Variants in COL19A1 observed in about 807,000 individuals in gnomAD.
COL19A1 encodes the protein collagen type XIX alpha 1 chain.
COL19A1 carries 159 observed loss-of-function variants against 190.2 expected under a neutral mutation model. The observed-to-expected ratio is 0.84, with a 90% CI of 0.73 to 0.95. COL19A1 has a LOEUF of 0.95. Ranked by LOEUF, COL19A1 falls within the 40% of genes least tolerant of loss-of-function variation. The probability of loss-of-function intolerance (pLI) is 0.00; values close to 1 mark genes in which losing one functional copy is unlikely to be tolerated. For synonymous variants in COL19A1, 509 were observed against 458.9 expected (o/e 1.11, Z -1.39); for missense variants, 1,418 against 1,431.9 (o/e 0.99, Z 0.16).
chr6:70,017,587 G>C (rs1194531183), intron 11 of COL19A1, among the ~76,000 whole-genome samples: 9 of 152,114 alleles, frequency 5.9e-5, no homozygotes, highest in Non-Finnish European at 8.8e-5. Flanking sequence ...AGCTGTAAAA[G>C]TAGAGAAAAC....
At chr6:70,123,131 TC>T (rs1207807096) in intron 17 of COL19A1, among the ~76,000 whole-genome samples, 1 of 151,868 alleles carries the variant, frequency 6.6e-6, no homozygotes, top group Non-Finnish European at 1.5e-5. Flanking sequence ...AACAACCCCA[TC>T]AAAAAGTGGG....
At chr6:69,944,541 A>G (rs75428316) in intron 9 of COL19A1, among the ~76,000 whole-genome samples, 2,602 of 152,196 alleles carry the variant, frequency 0.017, 82 homozygotes, top group African/African-American at 0.058. Context: ...GTTCTACTAC[A>G]GTTTTTTCTT....
intron 11 of COL19A1, among the ~76,000 whole-genome samples, chr6:70,008,164 G>T (rs1235235213): frequency 1.3e-5 from 2 of 151,506 alleles, no homozygotes; most frequent in Non-Finnish European, 3.0e-5. Context: ...TATGTAGAAG[G>T]CAGGAACAAT....
intron 22 of COL19A1, 107 bp from the exon 23 acceptor site, chr6:70,142,660 T>C: frequency 2.2e-6 from 2 of 924,850 alleles, no homozygotes; most frequent in Non-Finnish European, 3.3e-6. Context: ...GGAAAGTTGG[T>C]CTTCCTATAC....
chr6:69,910,595 A>G (rs1770848282), intron 4 of COL19A1, among the ~76,000 whole-genome samples: 1 of 152,224 alleles, frequency 6.6e-6, no homozygotes, highest in Non-Finnish European at 1.5e-5. Flanking sequence ...TCATAAAGTA[A>G]TGAAACTAAA....
intron 2 of COL19A1, chr6:69,890,816 G>A (rs988085145): frequency 6.5e-6 from 1 of 154,138 alleles, no homozygotes; most frequent in African/African-American, 2.4e-5. Context: ...TCACTGGGCA[G>A]GCTGGTTGGA....
chr6:70,125,504 C>A (rs1785142124), intron 17 of COL19A1, among the ~76,000 whole-genome samples: 1 of 151,970 alleles, frequency 6.6e-6, no homozygotes, highest in Non-Finnish European at 1.5e-5. Context: ...TGCTATTTTC[C>A]TTATGTCATC....
chr6:70,159,016 T>C (rs1787612484), intron 34 of COL19A1, among the ~76,000 whole-genome samples: 1 of 152,104 alleles, frequency 6.6e-6, no homozygotes, highest in South Asian at 2.1e-4. Flanking sequence ...TGATTTTTTA[T>C]TTATGGACTG....
intron 11 of COL19A1, among the ~76,000 whole-genome samples, chr6:69,984,936 A>G (rs1367431057): frequency 1.3e-5 from 2 of 152,200 alleles, no homozygotes; most frequent in Non-Finnish European, 2.9e-5. Context: ...GAAATAATTA[A>G]TGCAAATGTA....
intron 4 of COL19A1, among the ~76,000 whole-genome samples, chr6:69,925,320 C>T (rs1216994546): frequency 6.6e-6 from 1 of 152,146 alleles, no homozygotes; most frequent in Non-Finnish European, 1.5e-5. Flanking sequence ...CCAGTATTCC[C>T]AGCACCATTT....
Position 70,149,861 on chromosome 6 carries a change from G to A in COL19A1, c.1940G>A (p.Gly647Asp). ...AGEPGIQGPRGLPGLPGTPGT... is the reference protein window; with the variant it reads ...AGEPGIQGPRDLPGLPGTPGT... ...TCCCTCCTTTTCCAGGGTCCTCGAG[G>A]TCTCCCTGGGTTGCCAGGAACTCCA... Residue 647 changes from glycine (G) to aspartate (D), a missense_variant, in exon 29 of 51, where the codon GGT becomes GAT. Physicochemically the swap from Gly to Asp is moderately conservative, Grantham distance 94. Coordinates refer to ENST00000620364, the MANE Select transcript of COL19A1 (RefSeq NM_001858.6). 2 of 1,613,614 alleles carry A rather than the reference G, an allele frequency of 1.2e-6. No homozygotes were observed. Among genetic ancestry groups the A allele is most frequent in the African/African-American group, 1.3e-5 (1 of 74,972 alleles).
chr6:70,007,892 A>G (rs1186387524), intron 11 of COL19A1, among the ~76,000 whole-genome samples: 2 of 152,000 alleles, frequency 1.3e-5, no homozygotes, highest in African/African-American at 4.8e-5. Context: ...TCACAATGGA[A>G]TTAAATTCGA....
At chr6:70,140,500 A>G (rs545046851) in intron 19 of COL19A1, among the ~76,000 whole-genome samples, 1 of 152,228 alleles carries the variant, frequency 6.6e-6, no homozygotes. Flanking sequence ...CTAGGAAACT[A>G]TTTTTAAAAT....
chr6:69,936,994 T>C, intron 8 of COL19A1, 84 bp downstream of exon 8: 1 of 1,537,388 alleles, frequency 6.5e-7, no homozygotes. Flanking sequence ...GTTCACAGAA[T>C]GTGTCTTGCC....
intron 14 of COL19A1, among the ~76,000 whole-genome samples, chr6:70,067,878 T>C (rs1781338255): frequency 1.3e-5 from 2 of 151,354 alleles, no homozygotes; most frequent in Non-Finnish European, 2.9e-5. Context: ...TTTGTTATGA[T>C]CTGAAAAAAA....
chr6:70,147,411 C>T (rs1414994205), intron 27 of COL19A1, among the ~76,000 whole-genome samples: 1 of 151,938 alleles, frequency 6.6e-6, no homozygotes, highest in East Asian at 1.9e-4. Context: ...CCTAGAACAG[C>T]CCCTATTAAT....
Position 70,077,350 on chromosome 6 carries a change from A to G in COL19A1, c.1224+8874A>G, listed in dbSNP as rs78886585. 6.4e-3 allele frequency among the ~76,000 whole-genome samples: 975 copies of G among 152,212 alleles called. 38 individuals are homozygous for G. Among genetic ancestry groups the G allele is most frequent in the Admixed American group, 0.049 (753 of 15,286 alleles). On this transcript the variant is annotated intron_variant, in intron 15 of 50. Coordinates refer to ENST00000620364, the MANE Select transcript of COL19A1 (RefSeq NM_001858.6). The stretch of plus-strand genomic sequence containing the variant: ...TGTACGTAGATTGTACTGTGTTTTT[A>G]TTTCTAAATTTCTTGGAATGGTAGT...
intron 2 of COL19A1, among the ~76,000 whole-genome samples, chr6:69,893,570 A>G (rs2149963350): frequency 6.6e-6 from 1 of 152,264 alleles, no homozygotes; most frequent in South Asian, 2.1e-4. Flanking sequence ...GTATATTGTG[A>G]CTTACTTTCC....
chr6:69,909,058 T>A (rs1170337697), intron 4 of COL19A1, among the ~76,000 whole-genome samples: 2 of 152,174 alleles, frequency 1.3e-5, no homozygotes, highest in African/African-American at 2.4e-5. Context: ...ATAATGTCAC[T>A]ATTATTGCCT....
Sources: gnomAD v4.1 joint callset for allele counts (sites outside exome capture counted in the v4.1 genomes callset) on GRCh38, gnomAD v4.1.1 for gene constraint, MANE v1.5 for transcripts, NCBI Gene and HGNC (gene_info 2026-07-23, HGNC 2026-07-21) for gene names.